The following ITPR2 variants were observed in gnomAD, a reference collection of about 807,000 sequenced individuals.
ITPR2 encodes the protein inositol 1,4,5-trisphosphate receptor type 2, also known as inositol 1,4,5-trisphosphate-gated calcium channel ITPR2.
In ITPR2, 207 loss-of-function variants were observed where a neutral mutation model predicts 317.1. The ratio of observed to expected loss-of-function variants is 0.65; its 90% confidence interval spans 0.58 to 0.73. The LOEUF (loss-of-function observed/expected upper bound fraction) is 0.73, where lower values mean the gene tolerates loss of function less well. Among genes scored for constraint, ITPR2 ranks in the 30% least tolerant of loss-of-function variants. The pLI is 0.00. For missense variants in ITPR2, 2,613 were observed against 3,284.0 expected (o/e 0.80, Z 4.99); for synonymous variants, 1,156 against 1,149.1 (o/e 1.01, Z -0.12).
chr12:26,695,732 A>T (rs1592046567), intron 9 of ITPR2, 82 bp from the exon 10 acceptor site: 1 of 686,974 alleles, frequency 1.5e-6, no homozygotes, highest in Non-Finnish European at 2.5e-6. Context: ...TTCAATTAAT[A>T]TTCTATCCTC....
At position 26,487,126 on chromosome 12, in the gene ITPR2, T is replaced by A; in HGVS notation, c.5496A>T (p.Leu1832Phe). ...TGTCATCGTCCCTTTTTTTGTTACC[T>A]AAATCTATGGTATTAACTGTCACTG... ...RSTVTVNTIDLGNKKRDDDNE... is the reference protein window; with the variant it reads ...RSTVTVNTIDFGNKKRDDDNE... Residue 1832 changes from leucine (L) to phenylalanine (F), a missense_variant, in exon 40 of 57, where the codon TTA becomes TTT. By Grantham distance (22) the Leu-to-Phe change is conservative (BLOSUM62 0). Transcript: ENST00000381340. The A allele has an allele frequency of 6.2e-7, 1 of 1,613,192 alleles. No individual in the cohort carries two copies.
chr12:26,649,769 TAGAC>T (rs1027649027), intron 21 of ITPR2, among the ~76,000 whole-genome samples: 1 of 146,088 alleles, frequency 6.8e-6, no homozygotes, highest in Non-Finnish European at 1.5e-5. Context: ...ACAGGATAGA[TAGAC>T]TAGATAGATA....
intron 35 of ITPR2, among the ~76,000 whole-genome samples, chr12:26,561,524 A>G (rs1944818090): frequency 6.6e-6 from 1 of 152,112 alleles, no homozygotes; most frequent in Admixed American, 6.5e-5. Context: ...TGATATTAAG[A>G]CCCACTATTC....
intron 11 of ITPR2, among the ~76,000 whole-genome samples, chr12:26,684,522 C>T (rs1948091775): frequency 6.6e-6 from 1 of 152,044 alleles, no homozygotes; most frequent in Admixed American, 6.6e-5. Flanking sequence ...TGACACAGGA[C>T]TTAATACATA....
At chr12:26,427,875 T>C (rs774548942) in intron 49 of ITPR2, 38 bp downstream of exon 49, 2 of 1,324,418 alleles carry the variant, frequency 1.5e-6, no homozygotes, top group Non-Finnish European at 2.0e-6. Context: ...ACTTTTAAAC[T>C]AATTCTGTAA....
At chr12:26,551,128 C>T (rs1944514804) in intron 36 of ITPR2, among the ~76,000 whole-genome samples, 1 of 152,136 alleles carries the variant, frequency 6.6e-6, no homozygotes, top group South Asian at 2.1e-4. Flanking sequence ...TGTTAAAAAG[C>T]TGATCCTCAA....
At chr12:26,531,278 A>G (rs1943935694) in intron 37 of ITPR2, among the ~76,000 whole-genome samples, 1 of 152,246 alleles carries the variant, frequency 6.6e-6, no homozygotes, top group Non-Finnish European at 1.5e-5. Context: ...AGACATTTCA[A>G]TAAATGTACT....
chr12:26,494,076 C>T, intron 39 of ITPR2, 77 bp downstream of exon 39: 2 of 1,149,870 alleles, frequency 1.7e-6, no homozygotes, highest in Non-Finnish European at 2.4e-6. Flanking sequence ...AAACACATTA[C>T]TTTTCCTTGG....
chr12:26,606,620 G>T (rs1170396088), intron 26 of ITPR2, among the ~76,000 whole-genome samples: 2 of 149,086 alleles, frequency 1.3e-5, no homozygotes, highest in Non-Finnish European at 3.0e-5. Flanking sequence ...AATATTATAT[G>T]AACTATAGGG....
At position 26,616,437 on chromosome 12, in the gene ITPR2, G is replaced by A. The variant is rs1316453346; in HGVS notation, c.3462+4686C>T. 4.6e-5 allele frequency among the ~76,000 whole-genome samples: 7 copies of A among 152,086 alleles called. No homozygotes were observed. In the East Asian group the frequency reaches 5.8e-4, roughly 13 times the overall value. On this transcript the variant is annotated intron_variant, in intron 26 of 56. Coordinates refer to ENST00000381340, the MANE Select transcript of ITPR2 (RefSeq NM_002223.4). ...CAGGCATGAGCCACCGTGCCCGGCC[G>A]CATGTGGAAATTTAAAAACTCACTT...
In ITPR2 at chr12:26,691,133, A is replaced by G. The variant is rs1280214884; in HGVS notation, c.996+4473T>C. 2.0e-5 allele frequency among the ~76,000 whole-genome samples: 3 copies of G among 152,174 alleles called. No homozygotes were observed. In the South Asian group the frequency reaches 6.2e-4, roughly 32 times the overall value. ...CAGTCTGACAGTAAACTTCAAGCCC[A>G]CTCCTTGGAATGTGCCCCTCAAGCC... On this transcript the variant is annotated intron_variant, in intron 10 of 56. Coordinates refer to ENST00000381340, the MANE Select transcript of ITPR2 (RefSeq NM_002223.4).
intron 36 of ITPR2, among the ~76,000 whole-genome samples, chr12:26,552,923 T>C (rs1944564040): frequency 6.6e-6 from 1 of 152,174 alleles, no homozygotes; most frequent in Non-Finnish European, 1.5e-5. Context: ...TTGCTACAGA[T>C]TTATAAAAGG....
chr12:26,449,427 C>T (rs1941687422), intron 45 of ITPR2, among the ~76,000 whole-genome samples: 1 of 152,140 alleles, frequency 6.6e-6, no homozygotes, highest in South Asian at 2.1e-4. Flanking sequence ...TGTGACCCTG[C>T]AAAGTGCAAA....
intron 52 of ITPR2, among the ~76,000 whole-genome samples, chr12:26,401,677 C>G (rs1466627923): frequency 6.6e-6 from 1 of 152,188 alleles, no homozygotes; most frequent in African/African-American, 2.4e-5. Context: ...ATATGCCCGT[C>G]AAGGCATGCG....
intron 9 of ITPR2, among the ~76,000 whole-genome samples, chr12:26,700,351 T>C (rs1948422254): frequency 6.6e-6 from 1 of 152,122 alleles, no homozygotes; most frequent in African/African-American, 2.4e-5. Context: ...GTGAGAAAAA[T>C]GAGACTTCTT....
intron 52 of ITPR2, among the ~76,000 whole-genome samples, chr12:26,402,903 G>A (rs1333060550): frequency 2.0e-5 from 3 of 152,154 alleles, no homozygotes; most frequent in Non-Finnish European, 2.9e-5. Flanking sequence ...TCCAACAGCC[G>A]CTGGACGAGG....
At chr12:26,614,885 C>T (rs567014846) in intron 26 of ITPR2, among the ~76,000 whole-genome samples, 6 of 152,282 alleles carry the variant, frequency 3.9e-5, no homozygotes, top group Admixed American at 2.6e-4. Context: ...GGATACATGA[C>T]ATTATGCATT....
intron 45 of ITPR2, among the ~76,000 whole-genome samples, chr12:26,458,188 A>T (rs188147412): frequency 6.6e-6 from 1 of 152,288 alleles, no homozygotes; most frequent in East Asian, 1.9e-4. Context: ...CAGGCACAAA[A>T]TGAAGATGGC....
chr12:26,556,883 A>G (rs1944678941), intron 35 of ITPR2, among the ~76,000 whole-genome samples: 1 of 152,064 alleles, frequency 6.6e-6, no homozygotes, highest in Non-Finnish European at 1.5e-5. Context: ...TTTGGGGACC[A>G]GCCTGGTCAA....
Sources: allele counts gnomAD v4.1 joint callset (sites outside exome capture counted in the v4.1 genomes callset), GRCh38; gene constraint gnomAD v4.1.1; transcripts MANE v1.5; gene names NCBI Gene and HGNC (gene_info 2026-07-23, HGNC 2026-07-21).